The following PALLD variants were observed in gnomAD, a reference collection of about 807,000 sequenced individuals.
PALLD encodes the protein palladin, cytoskeletal associated protein.
A neutral mutation model predicts 123.5 loss-of-function variants in PALLD; 61 were observed. The ratio of observed to expected loss-of-function variants is 0.49; its 90% CI spans 0.40 to 0.61. The LOEUF is 0.61. Among genes scored for constraint, PALLD ranks in the 20% least tolerant of loss-of-function variants. PALLD has a pLI of 0.00. For synonymous variants in PALLD, 465 were observed against 496.4 expected (o/e 0.94, Z 0.84); for missense variants, 1,273 against 1,377.0 (o/e 0.92, Z 1.20).
intron 5 of PALLD, 32 bp downstream of exon 5, chr4:168,683,135 G>C: frequency 8.0e-7 from 1 of 1,256,370 alleles, no homozygotes; most frequent in Non-Finnish European, 1.2e-6. Flanking sequence ...GCCCATAAGG[G>C]GTCGAACTCA....
At chr4:168,763,137 A>G (rs60739750) in intron 10 of PALLD, among the ~76,000 whole-genome samples, 3,229 of 152,316 alleles carry the variant, frequency 0.021, 109 homozygotes, top group African/African-American at 0.074. Context: ...AAACGTGGAC[A>G]TTCTGCACGT....
Position 168,512,258 on chromosome 4 carries a change from C to T in PALLD, c.754C>T (p.Pro252Ser). The T allele has an allele frequency of 6.2e-7, 1 of 1,614,146 alleles. No individual in the cohort carries two copies. Among genetic ancestry groups the T allele is most frequent in the Non-Finnish European group, 8.5e-7 (1 of 1,180,024 alleles). ...CYQDNQDLAV[P>S]HNRKSHPQPH... ...CCAGGACAACCAGGACTTGGCAGTG[C>T]CACACAACCGCAAGTCTCACCCACA... is the stretch of plus-strand genomic sequence containing the variant. The change falls in exon 2 of 22, where the codon CCA becomes TCA. Residue 252 changes from proline (P) to serine (S), a missense_variant. Physicochemically the swap from Pro to Ser is moderately conservative, Grantham distance 74. Transcript: ENST00000505667.
At chr4:168,674,036 T>C (rs919888868) in intron 3 of PALLD, among the ~76,000 whole-genome samples, 10 of 152,020 alleles carry the variant, frequency 6.6e-5, no homozygotes, top group Non-Finnish European at 1.3e-4. Context: ...TGCCTCAGCC[T>C]CCCAAATAGC....
At position 168,878,079 on chromosome 4, in the gene PALLD, G is replaced by A; in HGVS notation, c.1965-12843G>A. The A allele has an allele frequency of 1.4e-6, 2 of 1,445,696 alleles. No homozygotes were observed. The highest frequency in any genetic ancestry group is 2.1e-4 in the Middle Eastern group (1 of 4,660). The allele number at this position is 1,445,696 out of a possible 1,614,324, so 89.6% of individuals were successfully genotyped here. A position where few individuals can be genotyped will look rare whatever the true frequency, so the allele number is the denominator to read the frequency against. ...TCCCCGACGCCGAGGCAGTTCGGCCGCGCCCCCGTGCCGCCCTTCGCGCAG... is the reference window on the plus strand; with the variant it reads ...TCCCCGACGCCGAGGCAGTTCGGCCACGCCCCCGTGCCGCCCTTCGCGCAG... On this transcript the variant is annotated intron_variant, in intron 10 of 21. Coordinates refer to ENST00000505667, the MANE Select transcript of PALLD (RefSeq NM_001166108.2).
At chr4:168,894,868 G>T in intron 12 of PALLD, 191 bp downstream of exon 12, 3 of 834,930 alleles carry the variant, frequency 3.6e-6, no homozygotes, top group East Asian at 2.7e-5. Context: ...GTGACTGACA[G>T]AATTCTTTCC....
intron 10 of PALLD, among the ~76,000 whole-genome samples, chr4:168,774,994 T>G (rs555117402): frequency 6.6e-6 from 1 of 152,276 alleles, no homozygotes; most frequent in South Asian, 2.1e-4. Flanking sequence ...CTCATTCCTT[T>G]TTATTGCTAA....
chr4:168,696,055 T>C (rs1168902747), intron 8 of PALLD, among the ~76,000 whole-genome samples: 1 of 151,996 alleles, frequency 6.6e-6, no homozygotes, highest in Non-Finnish European at 1.5e-5. Flanking sequence ...AAAAATCTCA[T>C]AATGTTTTAG....
chr4:168,782,938 A>AT (rs1736132204), intron 10 of PALLD, among the ~76,000 whole-genome samples: 3 of 151,876 alleles, frequency 2.0e-5, no homozygotes. Flanking sequence ...ACAAAAAAAA[A>AT]CTTTTTTTAC....
rs563849937 is a variant in PALLD at position 168,677,673 on chromosome 4, G to C, written c.1088-3659G>C. 5.3e-5 allele frequency among the ~76,000 whole-genome samples: 8 copies of C among 152,056 alleles called. No homozygotes were observed. The South Asian group carries it at 6.2e-4, about 12-fold the overall frequency. ...TATGATTCCAGTAAAATGGTCTCCC[G>C]GGTCACCCCCGACCTTCTGATCGCC... On this transcript the variant is annotated intron_variant, in intron 3 of 21. Transcript: ENST00000505667.
At chr4:168,785,391 T>C (rs1236740462) in intron 10 of PALLD, among the ~76,000 whole-genome samples, 1 of 152,138 alleles carries the variant, frequency 6.6e-6, no homozygotes, top group African/African-American at 2.4e-5. Flanking sequence ...CACCCAACCC[T>C]TATCTTCTCT....
intron 8 of PALLD, among the ~76,000 whole-genome samples, chr4:168,708,243 G>T (rs926710010): frequency 1.3e-5 from 2 of 152,154 alleles, no homozygotes; most frequent in African/African-American, 4.8e-5. Context: ...TATAGTAAGG[G>T]TTATATAGCT....
At chr4:168,739,865 A>G (rs1788156977) in intron 10 of PALLD, among the ~76,000 whole-genome samples, 1 of 152,162 alleles carries the variant, frequency 6.6e-6, no homozygotes. Flanking sequence ...GGTTTACTTT[A>G]TTGCTGCTCT....
chr4:168,528,437 C>T (rs975702751), intron 2 of PALLD, among the ~76,000 whole-genome samples: 9 of 152,224 alleles, frequency 5.9e-5, no homozygotes, highest in Non-Finnish European at 2.9e-5. Context: ...TTTTCTCATT[C>T]GTTCACTCTC....
chr4:168,907,068 T>C (rs1757966478), intron 15 of PALLD, among the ~76,000 whole-genome samples: 1 of 152,038 alleles, frequency 6.6e-6, no homozygotes, highest in Non-Finnish European at 1.5e-5. Flanking sequence ...TGTGTGACCT[T>C]AGCAAGTCAC....
rs1751999027 is a variant in PALLD, at chr4:168,877,935, C to T, written c.1965-12987C>T. The T allele has an allele frequency of 1.3e-6, 2 of 1,498,778 alleles. No homozygotes were observed. Among genetic ancestry groups the T allele is most frequent in the South Asian group, 1.2e-5 (1 of 81,196 alleles). 92.8% of individuals were successfully genotyped at this position (1,498,778 alleles called of 1,614,324 possible). A position where few individuals can be genotyped will look rare whatever the true frequency, so the allele number is the denominator to read the frequency against. ...CGCTCCGCCCCCGCCATGCAGTCCT[C>T]CGGCTCCTTCAACTACGCGCGCCCC... On this transcript the variant is annotated intron_variant, in intron 10 of 21. Coordinates refer to ENST00000505667, the MANE Select transcript of PALLD (RefSeq NM_001166108.2).
At chr4:168,604,932 T>C (rs1773022831) in intron 2 of PALLD, among the ~76,000 whole-genome samples, 1 of 152,264 alleles carries the variant, frequency 6.6e-6, no homozygotes. Context: ...GGTCAAAGGA[T>C]ATTTGATCTT....
chr4:168,922,102 TACACACACACACACAC>T (rs35503011), intron 18 of PALLD, among the ~76,000 whole-genome samples: 1,760 of 132,566 alleles, frequency 0.013, 20 homozygotes, highest in Non-Finnish European at 0.019. Context: ...TATATATATA[TACACACACACACACAC>T]ACACACACAC....
chr4:168,593,970 T>A (rs1187420027), intron 2 of PALLD, among the ~76,000 whole-genome samples: 1 of 152,214 alleles, frequency 6.6e-6, no homozygotes, highest in African/African-American at 2.4e-5. Context: ...TATTGGAGGC[T>A]TATAGAAAAA....
At chr4:168,541,553 C>T (rs577194960) in intron 2 of PALLD, among the ~76,000 whole-genome samples, 1 of 152,082 alleles carries the variant, frequency 6.6e-6, no homozygotes, top group African/African-American at 2.4e-5. Context: ...CAGGTTCAAG[C>T]GATTCTCCTG....
Sources: allele counts gnomAD v4.1 joint callset (sites outside exome capture counted in the v4.1 genomes callset), GRCh38; gene constraint gnomAD v4.1.1; transcripts MANE v1.5; gene names NCBI Gene and HGNC (gene_info 2026-07-23, HGNC 2026-07-21).